Variants in ENTHD1 observed in about 807,000 individuals in gnomAD.
ENTHD1 encodes the protein ENTH domain-containing protein 1.
Under a neutral mutation model 39.1 loss-of-function variants are expected in ENTHD1, and 23 were observed. The ratio of observed to expected loss-of-function variants is 0.59; its 90% CI spans 0.42 to 0.83. The LOEUF (loss-of-function observed/expected upper bound fraction) is 0.83, where lower values mean the gene tolerates loss of function less well. Among genes scored for constraint, ENTHD1 ranks in the 40% least tolerant of loss-of-function variants. The probability of loss-of-function intolerance (pLI) is 0.00; values close to 1 mark genes in which losing one functional copy is unlikely to be tolerated. For synonymous variants in ENTHD1, 230 were observed against 258.2 expected, an observed-to-expected ratio of 0.89 and a Z score of 1.05; for missense variants, 624 against 705.4, an observed-to-expected ratio of 0.88 and a Z score of 1.31.
chr22:39,816,910 TAGATATATAG>T (rs1453162625), intron 5 of ENTHD1, among the ~76,000 whole-genome samples: 1 of 151,740 alleles, frequency 6.6e-6, no homozygotes, highest in Non-Finnish European at 1.5e-5. Context: ...TATATATCTA[TAGATATATAG>T]AAATATATCT....
intron 2 of ENTHD1, among the ~76,000 whole-genome samples, chr22:39,862,649 C>G (rs2066152222): frequency 6.6e-6 from 1 of 151,966 alleles, no homozygotes; most frequent in Non-Finnish European, 1.5e-5. Flanking sequence ...ATATACTGAC[C>G]TAGATGTATG....
At chr22:39,878,725 A>G (rs1400509605) in intron 2 of ENTHD1, among the ~76,000 whole-genome samples, 1 of 152,138 alleles carries the variant, frequency 6.6e-6, no homozygotes, top group African/African-American at 2.4e-5. Context: ...TAAAGTTCAG[A>G]AACTCAGATC....
At chr22:39,759,875 C>T (rs1159221483) in intron 6 of ENTHD1, among the ~76,000 whole-genome samples, 1 of 151,828 alleles carries the variant, frequency 6.6e-6, no homozygotes, top group Non-Finnish European at 1.5e-5. Context: ...ATTTGGAGTT[C>T]TTCTATGTAT....
intron 6 of ENTHD1, among the ~76,000 whole-genome samples, chr22:39,764,523 A>G (rs2065259602): frequency 6.6e-6 from 1 of 152,166 alleles, no homozygotes; most frequent in Non-Finnish European, 1.5e-5. Flanking sequence ...TAGCACTATT[A>G]TATGTAAGAA....
At chr22:39,846,200 T>C (rs1458955718) in intron 3 of ENTHD1, among the ~76,000 whole-genome samples, 1 of 152,128 alleles carries the variant, frequency 6.6e-6, no homozygotes, top group East Asian at 1.9e-4. Context: ...GAAGAAAACA[T>C]AGGGAAAAGT....
intron 3 of ENTHD1, among the ~76,000 whole-genome samples, chr22:39,857,772 C>T (rs1406835421): frequency 6.6e-6 from 1 of 152,188 alleles, no homozygotes; most frequent in African/African-American, 2.4e-5. Flanking sequence ...TTACATTAGA[C>T]TGCAGTCTAC....
At chr22:39,765,108 A>G in intron 6 of ENTHD1, 115 bp downstream of exon 6, 1 of 1,418,188 alleles carries the variant, frequency 7.1e-7, no homozygotes, top group South Asian at 1.5e-5. Context: ...GAAGAGTGAA[A>G]GGAGGGAACA....
intron 2 of ENTHD1, among the ~76,000 whole-genome samples, chr22:39,884,231 T>TGCAGTG (rs2066363082): frequency 6.6e-6 from 1 of 151,872 alleles, no homozygotes; most frequent in Admixed American, 6.6e-5. Flanking sequence ...CAGGCTGGAG[T>TGCAGTG]GCAGTGGTGT....
rs543335219 is a variant in ENTHD1, at chr22:39,758,146, T to C, written c.1219+7077A>G. ...CTGAAATCTTGCTAAACTCACCTAC[T>C]AGGTCTAGTAGCCTGTTTGACAGAC... On this transcript the variant is annotated intron_variant, in intron 6 of 6. Coordinates refer to ENST00000325157, the MANE Select transcript of ENTHD1 (RefSeq NM_152512.4). Among the ~76,000 whole-genome samples the C allele has an allele frequency of 1.7e-3, 260 of 152,346 alleles. 1 individual carries two copies. The highest frequency in any genetic ancestry group is 3.1e-3 in the Non-Finnish European group (212 of 68,026).
chr22:39,800,495 G>C (rs1489313225), intron 5 of ENTHD1, among the ~76,000 whole-genome samples: 1 of 152,170 alleles, frequency 6.6e-6, no homozygotes, highest in East Asian at 1.9e-4. Flanking sequence ...CTTCCAGAAA[G>C]GATCTTTGTT....
intron 5 of ENTHD1, among the ~76,000 whole-genome samples, chr22:39,776,416 C>T (rs1490023955): frequency 6.6e-6 from 1 of 152,100 alleles, no homozygotes; most frequent in Non-Finnish European, 1.5e-5. Flanking sequence ...GCTTTGTTCT[C>T]GAGGATCTAT....
At chr22:39,769,744 T>C (rs914966298) in intron 5 of ENTHD1, among the ~76,000 whole-genome samples, 6 of 151,924 alleles carry the variant, frequency 3.9e-5, no homozygotes, top group Non-Finnish European at 5.9e-5. Flanking sequence ...TCAAAACCCA[T>C]TGAAATGACA....
chr22:39,883,719 A>G (rs2066357966), intron 2 of ENTHD1, among the ~76,000 whole-genome samples: 1 of 151,796 alleles, frequency 6.6e-6, no homozygotes, highest in Admixed American at 6.6e-5. Flanking sequence ...AATTAAGAAG[A>G]CAATTCCAGC....
chr22:39,831,650 C>A (rs368257651), intron 4 of ENTHD1, among the ~76,000 whole-genome samples: 2 of 151,802 alleles, frequency 1.3e-5, no homozygotes, highest in African/African-American at 4.8e-5. Context: ...CATGGTGAAA[C>A]CCCATCTCTA....
At chr22:39,832,135 T>C (rs550475848) in intron 4 of ENTHD1, among the ~76,000 whole-genome samples, 51 of 152,112 alleles carry the variant, frequency 3.4e-4, no homozygotes, top group African/African-American at 1.2e-3. Context: ...CTCGGCAATA[T>C]AGTAAGACCT....
chr22:39,852,605 T>C (rs1430781224), intron 3 of ENTHD1, among the ~76,000 whole-genome samples: 1 of 152,230 alleles, frequency 6.6e-6, no homozygotes, highest in East Asian at 1.9e-4. Context: ...ACCTGGGCTA[T>C]ATGGTATAGC....
intron 2 of ENTHD1, among the ~76,000 whole-genome samples, chr22:39,876,505 C>T (rs1217784996): frequency 2.3e-5 from 3 of 132,252 alleles, no homozygotes; most frequent in Non-Finnish European, 1.6e-5. Flanking sequence ...GTAAAATTAA[C>T]GGGTCATCTA....
chr22:39,885,593 C>T (rs1399448234), intron 2 of ENTHD1, among the ~76,000 whole-genome samples: 1 of 152,162 alleles, frequency 6.6e-6, no homozygotes, highest in Non-Finnish European at 1.5e-5. Flanking sequence ...AGTCCATCAA[C>T]AGATGAGTAA....
intron 2 of ENTHD1, among the ~76,000 whole-genome samples, chr22:39,884,020 C>T (rs532268780): frequency 6.6e-6 from 1 of 152,020 alleles, no homozygotes; most frequent in South Asian, 2.1e-4. Flanking sequence ...CTGAAAACTA[C>T]ACAGCACTGT....
Sources: allele counts gnomAD v4.1 joint callset (sites outside exome capture counted in the v4.1 genomes callset), GRCh38; gene constraint gnomAD v4.1.1; transcripts MANE v1.5; gene names NCBI Gene and HGNC (gene_info 2026-07-23, HGNC 2026-07-21).